FOXN1: variants seen among roughly 807,000 people sequenced by gnomAD.
FOXN1 encodes forkhead box N1, also known as forkhead box protein N1.
Under a neutral mutation model 49.0 loss-of-function variants are expected in FOXN1, and 15 were observed. The observed-to-expected ratio is 0.31, with a 90% CI of 0.20 to 0.47. FOXN1 has a LOEUF of 0.47. FOXN1 is among the 20% of genes least tolerant of loss of function. FOXN1 has a pLI of 1.00. For missense variants in FOXN1, 800 were observed against 842.8 expected (o/e 0.95, Z 0.63); for synonymous variants, 356 against 369.0 (o/e 0.96, Z 0.40).
rs1391900562 is a variant in FOXN1, at chr17:28,534,962, C to T, written c.1391C>T (p.Pro464Leu). The T allele has an allele frequency of 1.9e-6, 3 of 1,613,984 alleles. No individual in the cohort carries two copies. The highest frequency in any genetic ancestry group is 1.7e-6 in the Non-Finnish European group (2 of 1,179,998). ...TTGCACCTCTCACCAGGCCTGGCCC[C>T]TCCTGGACCCCCGCAGCCATTGTTC... ...TYLHLSPGLA[P>L]PGPPQPLFPQ... is the part of the protein sequence containing the mutation. Residue 464 changes from proline to leucine, a missense_variant, in exon 8 of 9, where the codon CCT (proline) becomes CTT (leucine). Pro to Leu is a moderately conservative substitution (Grantham distance 98). This residue lies in a region of FOXN1 where 344 missense variants were observed against 366.1 expected (regional missense o/e 0.94). Transcript: ENST00000579795. This position sits in a 1 kb window ranked among gnomAD's most constrained non-coding sequence, Gnocchi z 4.1.
At chr17:28,535,233 G>T in intron 8 of FOXN1, 35 bp downstream of exon 8, 1 of 1,605,996 alleles carries the variant, frequency 6.2e-7, no homozygotes, top group South Asian at 1.1e-5. Flanking sequence ...GGTGGGACAG[G>T]ACTGGAGAGG....
intron 3 of FOXN1, 131 bp downstream of exon 3, chr17:28,525,098 T>G (rs986291121): frequency 3.9e-6 from 3 of 768,742 alleles, no homozygotes; most frequent in Non-Finnish European, 2.2e-6. Context: ...GACCAGAGAG[T>G]TGGGGCCTCC....
At position 28,524,743 on chromosome 17, in the gene FOXN1, C is replaced by A; in HGVS notation, c.364C>A (p.Pro122Thr). 6.2e-7 allele frequency: 1 copy of A among 1,613,126 alleles called. No individual in the cohort carries two copies. The change falls in exon 3 of 9, where the codon CCC becomes ACC. Residue 122 changes from proline (P) to threonine (T), a missense_variant. Pro to Thr is a conservative substitution (Grantham distance 38). Coordinates refer to ENST00000579795, the MANE Select transcript of FOXN1 (RefSeq NM_001369369.1). ...GCGATTCCTCAAGGGCAGCCACGCG[C>A]CCTTCCACCCGTACAAGCGGCCTTT... ...PGRFLKGSHA[P>T]FHPYKRPFHE...
chr17:28,511,444 C>T (rs1197578060), intron 1 of FOXN1, among the ~76,000 whole-genome samples: 3 of 152,084 alleles, frequency 2.0e-5, no homozygotes, highest in South Asian at 2.1e-4. Context: ...ACCAGCAGGA[C>T]GAGGGCCCTC....
At chr17:28,511,476 A>T (rs2069395521) in intron 1 of FOXN1, among the ~76,000 whole-genome samples, 1 of 151,910 alleles carries the variant, frequency 6.6e-6, no homozygotes, top group South Asian at 2.1e-4. Flanking sequence ...CCTGGGGCAC[A>T]CCCCTAGGAA....
At chr17:28,526,039 C>T (rs1415613071) in intron 3 of FOXN1, among the ~76,000 whole-genome samples, 2 of 152,202 alleles carry the variant, frequency 1.3e-5, no homozygotes, top group African/African-American at 2.4e-5. Context: ...ACCCGTGTTG[C>T]AGATGAGGAA....
chr17:28,528,713 C>T (rs970073273), intron 4 of FOXN1, among the ~76,000 whole-genome samples: 6 of 152,220 alleles, frequency 3.9e-5, no homozygotes, highest in Admixed American at 6.5e-5. Context: ...AACGCCCAGG[C>T]TGGACATCCT....
At chr17:28,507,535 G>A (rs2069290409) in intron 1 of FOXN1, among the ~76,000 whole-genome samples, 1 of 152,168 alleles carries the variant, frequency 6.6e-6, no homozygotes, top group South Asian at 2.1e-4. Context: ...CATCGGGCAG[G>A]GCTGCCCCTC....
intron 1 of FOXN1, among the ~76,000 whole-genome samples, chr17:28,516,370 C>T (rs1597537189): frequency 6.6e-6 from 1 of 151,450 alleles, no homozygotes; most frequent in Non-Finnish European, 1.5e-5. Context: ...AGGATCCATA[C>T]CTCCATAGGG....
rs1296477558 is a variant in FOXN1 at position 28,530,457 on chromosome 17, T to A, written c.831-292T>A. Among the ~76,000 whole-genome samples, 4 of 152,210 alleles carry A rather than the reference T, an allele frequency of 2.6e-5. No individual in the cohort carries two copies. The East Asian group carries it at 7.7e-4, about 29-fold the overall frequency. On this transcript the variant is annotated intron_variant, in intron 5 of 8. Transcript: ENST00000579795. ...CTCACAACTCTGAGGTAGCTATTAC[T>A]TTCTTCACTTCAAAGTTGAGGAAAC...
chr17:28,534,667 G>C lies in FOXN1; in HGVS notation c.1136-40G>C. The C allele has an allele frequency of 6.2e-7, 1 of 1,612,742 alleles. No individual in the cohort carries two copies. The highest frequency in any genetic ancestry group is 1.1e-5 in the South Asian group (1 of 90,970). On this transcript the variant is annotated intron_variant, in intron 7 of 8. Transcript: ENST00000579795. This position sits in a 1 kb window ranked among gnomAD's most constrained non-coding sequence, Gnocchi z 4.1. ...CCAGTCTGGGGAAGACTGTGGAGGAGGGAGGTCTCATGGTGTTCTTTCTCT... is the reference window on the plus strand; with the variant it reads ...CCAGTCTGGGGAAGACTGTGGAGGACGGAGGTCTCATGGTGTTCTTTCTCT...
chr17:28,533,273 C>T (rs1034554109), intron 6 of FOXN1, among the ~76,000 whole-genome samples: 2 of 152,200 alleles, frequency 1.3e-5, no homozygotes, highest in Non-Finnish European at 2.9e-5. Context: ...AGCGAGTGCC[C>T]TACCCACAGT....
intron 1 of FOXN1, among the ~76,000 whole-genome samples, chr17:28,514,064 T>C (rs976779039): frequency 6.6e-6 from 1 of 152,012 alleles, no homozygotes; most frequent in Non-Finnish European, 1.5e-5. Flanking sequence ...TTACAATAAA[T>C]AGGGATTAGA....
In FOXN1 at chr17:28,534,179, C is replaced by G; in HGVS notation, c.928-152C>G. 1.8e-6 allele frequency: 2 copies of G among 1,082,366 alleles called. No homozygotes were observed. Among genetic ancestry groups the G allele is most frequent in the Non-Finnish European group, 2.7e-6 (2 of 729,388 alleles). The allele number at this position is 1,082,366 out of a possible 1,614,324, so 67.0% of individuals were successfully genotyped here. A position where few individuals can be genotyped will look rare whatever the true frequency, so the allele number is the denominator to read the frequency against. On this transcript the variant is annotated intron_variant, in intron 6 of 8. Transcript: ENST00000579795. The surrounding 1 kb of genome is among the most constrained non-coding windows in gnomAD (Gnocchi z 4.1). ...TCCCCTACCACCAAAGGGTACCAAG[C>G]AAGGGATGGGTGCTGAGGAGGACAA...
At chr17:28,518,341 ATCCAACAT>A (rs2069573830) in intron 1 of FOXN1, among the ~76,000 whole-genome samples, 1 of 152,232 alleles carries the variant, frequency 6.6e-6, no homozygotes, top group Non-Finnish European at 1.5e-5. Context: ...GAAGTGAGTT[ATCCAACAT>A]CACACAGCCA....
intron 1 of FOXN1, among the ~76,000 whole-genome samples, chr17:28,515,301 T>C (rs657048): frequency 0.86 from 130,777 of 151,640 alleles, 56,637 homozygotes; most frequent in African/African-American, 0.92. Context: ...ACAGGGTACA[T>C]ACCTCCAAAG....
chr17:28,533,576 T>A (rs1385902292), intron 6 of FOXN1, among the ~76,000 whole-genome samples: 2 of 147,416 alleles, frequency 1.4e-5, no homozygotes, highest in Non-Finnish European at 3.0e-5. Context: ...CATCATACGA[T>A]CATGGCTACC....
intron 1 of FOXN1, among the ~76,000 whole-genome samples, chr17:28,517,209 AGGGTACACACCTCCACT>A (rs1220760863): frequency 3.5e-5 from 5 of 143,398 alleles, no homozygotes; most frequent in South Asian, 2.3e-4. Context: ...ACACCTCCAC[AGGGTACACACCTCCACT>A]GGGTACACAC....
intron 1 of FOXN1, among the ~76,000 whole-genome samples, chr17:28,509,704 C>T (rs1242115579): frequency 2.6e-5 from 4 of 152,208 alleles, no homozygotes; most frequent in Non-Finnish European, 4.4e-5. Flanking sequence ...GGAGGGCTGG[C>T]GCCCAGACAG....
Sources: allele counts gnomAD v4.1 joint callset (sites outside exome capture counted in the v4.1 genomes callset), GRCh38; gene constraint gnomAD v4.1.1; regional missense constraint gnomAD v4.1.1; non-coding constraint Gnocchi (gnomAD v3.1); transcripts MANE v1.5; gene names NCBI Gene and HGNC (gene_info 2026-07-23, HGNC 2026-07-21).